The following YTHDF1 variants were observed in gnomAD, a reference collection of about 807,000 sequenced individuals.
YTHDF1 encodes the protein YTH domain-containing family protein 1.
YTHDF1 carries 16 observed loss-of-function variants against 49.1 expected under a neutral mutation model. The observed-to-expected ratio is 0.33, with a 90% confidence interval of 0.22 to 0.49. The LOEUF (loss-of-function observed/expected upper bound fraction) is 0.49, where lower values mean the gene tolerates loss of function less well. Among genes scored for constraint, YTHDF1 ranks in the 20% least tolerant of loss-of-function variants. The pLI, the probability that YTHDF1 is intolerant of heterozygous loss-of-function variation, is 0.99. For synonymous variants in YTHDF1, 313 were observed against 290.1 expected (o/e 1.08, Z -0.80); for missense variants, 621 against 744.3 (o/e 0.83, Z 1.93).
Position 63,199,518 on chromosome 20 carries a change from T to TAA in YTHDF1, c.1653+2767_1653+2768dup, listed in dbSNP as rs11386506. 2.9e-3 allele frequency among the ~76,000 whole-genome samples: 402 copies of TAA among 138,366 alleles called. 2 individuals are homozygous for TAA. The highest frequency in any genetic ancestry group is 9.2e-3 in the Admixed American group (128 of 13,954). 90.8% of individuals were successfully genotyped at this position (138,366 alleles called of 152,430 possible). A position where few individuals can be genotyped will look rare whatever the true frequency, so the allele number is the denominator to read the frequency against. ...TGGGCAACAGTGCAAGATTCTGTCT[T>TAA]AAAAAAAAAAAAAACAAAACAAAAC... On this transcript the variant is annotated intron_variant, in intron 4 of 4. Coordinates refer to ENST00000370339, the MANE Select transcript of YTHDF1 (RefSeq NM_017798.4).
chr20:63,201,118 T>C (rs1024680080), intron 4 of YTHDF1, among the ~76,000 whole-genome samples: 1 of 151,534 alleles, frequency 6.6e-6, no homozygotes, highest in Non-Finnish European at 1.5e-5. Flanking sequence ...ATAAATGACA[T>C]CCACTTCTTT....
At chr20:63,212,326 G>C (rs1389936623) in intron 3 of YTHDF1, among the ~76,000 whole-genome samples, 3 of 152,360 alleles carry the variant, frequency 2.0e-5, no homozygotes, top group East Asian at 3.9e-4. Flanking sequence ...AGTGCAGTAG[G>C]AGGGAGGGGG....
chr20:63,206,926 C>T (rs2066549387), intron 3 of YTHDF1, among the ~76,000 whole-genome samples: 1 of 151,016 alleles, frequency 6.6e-6, no homozygotes, highest in African/African-American at 2.5e-5. Context: ...GGAAGCTGTC[C>T]CATTCACAGT....
At position 63,203,083 on chromosome 20, in the gene YTHDF1, G is replaced by A; in HGVS notation, c.857C>T (p.Pro286Leu). 2 of 1,606,334 alleles carry A rather than the reference G, an allele frequency of 1.2e-6. No homozygotes were observed. The highest frequency in any genetic ancestry group is 8.5e-7 in the Non-Finnish European group (1 of 1,175,402). ...AGCCTGTGGAGAGGGTGCCTGCTGG[G>A]GGACTGGGGCCTTCGGCACAGGCCC... ...NKGPVPKAPV[P>L]QQAPSPQAAP... Residue 286 changes from proline (P) to leucine (L), a missense_variant, in exon 4 of 5, where the codon CCC becomes CTC. Coordinates refer to ENST00000370339, the MANE Select transcript of YTHDF1 (RefSeq NM_017798.4). This position sits in a 1 kb window ranked among gnomAD's most constrained non-coding sequence, Gnocchi z 4.4.
rs751876883 is a variant in YTHDF1 at position 63,202,896 on chromosome 20, G to C, written c.1044C>G (p.Ser348Arg). The change falls in exon 4 of 5, where the codon AGC (serine) becomes AGG (arginine). Residue 348 changes from serine (S) to arginine (R), a missense_variant. Coordinates refer to ENST00000370339, the MANE Select transcript of YTHDF1 (RefSeq NM_017798.4). ...TAGGCTGGACGTTTCCAGGAGAGTT[G>C]CTATCGCTGCCAGCCCCTCCGCTCT... is the stretch of plus-strand genomic sequence containing the variant. ...FGQSGGAGSD[S>R]NSPGNVQPNS... The C allele has an allele frequency of 5.6e-6, 9 of 1,613,962 alleles. No individual in the cohort carries two copies. In the East Asian group the frequency reaches 2.0e-4, roughly 36 times the overall value.
intron 3 of YTHDF1, among the ~76,000 whole-genome samples, chr20:63,210,131 G>A (rs2066567044): frequency 1.3e-5 from 2 of 152,098 alleles, no homozygotes. Context: ...CCTCAACATG[G>A]TAGCTCCAAC....
At chr20:63,211,823 G>A (rs577370478) in intron 3 of YTHDF1, among the ~76,000 whole-genome samples, 1 of 152,168 alleles carries the variant, frequency 6.6e-6, no homozygotes, top group South Asian at 2.1e-4. Flanking sequence ...CAGGTGTAGT[G>A]GTGCATGCCT....
intron 3 of YTHDF1, among the ~76,000 whole-genome samples, chr20:63,205,666 A>G (rs2066542470): frequency 6.6e-6 from 1 of 151,270 alleles, no homozygotes; most frequent in African/African-American, 2.4e-5. Flanking sequence ...CCACCACCAC[A>G]CCCGGTTAAT....
At position 63,196,579 on chromosome 20, in the gene YTHDF1, AACG is replaced by A. The variant is rs1451870055; in HGVS notation, c.*126_*128del. ...ATGCAGATCCATCTGGGCAAAAATC[AACG>A]ACAAGAAAGGCAAAGATGCAACACT... On this transcript the variant is annotated 3_prime_UTR_variant, in exon 5 of 5. Transcript: ENST00000370339. 1.2e-5 allele frequency: 13 copies of A among 1,095,728 alleles called. No individual in the cohort carries two copies. The African/African-American group carries it at 1.3e-4, about 11-fold the overall frequency. The allele number at this position is 1,095,728 out of a possible 1,614,324, so 67.9% of individuals were successfully genotyped here. A position where few individuals can be genotyped will look rare whatever the true frequency, so the allele number is the denominator to read the frequency against.
At chr20:63,212,856 AAACATCC>A (rs2066581956) in intron 3 of YTHDF1, among the ~76,000 whole-genome samples, 1 of 152,198 alleles carries the variant, frequency 6.6e-6, no homozygotes, top group African/African-American at 2.4e-5. Flanking sequence ...GGAGGCTGCT[AAACATCC>A]AACAATGCAC....
intron 2 of YTHDF1, among the ~76,000 whole-genome samples, chr20:63,215,231 C>A (rs1055331896): frequency 3.9e-5 from 6 of 152,310 alleles, no homozygotes; most frequent in African/African-American, 1.4e-4. Flanking sequence ...CCTTGGACTG[C>A]CCCTCTCCTA....
At chr20:63,197,314 GC>G (rs2066496613) in intron 4 of YTHDF1, among the ~76,000 whole-genome samples, 1 of 152,054 alleles carries the variant, frequency 6.6e-6, no homozygotes, top group African/African-American at 2.4e-5. Flanking sequence ...TCACTCCCAC[GC>G]CAAGGGGAAG....
chr20:63,208,504 T>A (rs952262108), intron 3 of YTHDF1, among the ~76,000 whole-genome samples: 4 of 152,228 alleles, frequency 2.6e-5, no homozygotes, highest in African/African-American at 9.6e-5. Flanking sequence ...GACTGGTCCC[T>A]CTGAGGCTGC....
At chr20:63,206,234 A>G (rs1568992790) in intron 3 of YTHDF1, among the ~76,000 whole-genome samples, 2 of 152,150 alleles carry the variant, frequency 1.3e-5, no homozygotes, top group Admixed American at 1.3e-4. Flanking sequence ...GGAAAAAAAG[A>G]CCTCGATGGC....
At chr20:63,197,763 G>C (rs190351109) in intron 4 of YTHDF1, among the ~76,000 whole-genome samples, 1 of 152,184 alleles carries the variant, frequency 6.6e-6, no homozygotes, top group African/African-American at 2.4e-5. Flanking sequence ...AAAACAAAAA[G>C]ATGCATCCCA....
chr20:63,199,580 G>C (rs1276957788), intron 4 of YTHDF1, among the ~76,000 whole-genome samples: 1 of 151,318 alleles, frequency 6.6e-6, no homozygotes, highest in African/African-American at 2.4e-5. Flanking sequence ...GAGGGAGAAA[G>C]CATTAGACAC....
At chr20:63,197,747 AAAAAC>A (rs1279804802) in intron 4 of YTHDF1, among the ~76,000 whole-genome samples, 7 of 152,168 alleles carry the variant, frequency 4.6e-5, no homozygotes, top group African/African-American at 4.8e-5. Flanking sequence ...ATCTCGAAAT[AAAAAC>A]AAAACAAAAA....
chr20:63,215,907 T>C lies in YTHDF1; in HGVS notation c.-15A>G. The C allele has an allele frequency of 1.4e-6, 2 of 1,405,858 alleles. No individual in the cohort carries two copies. The highest frequency in any genetic ancestry group is 1.5e-5 in the South Asian group (1 of 66,932). The allele number at this position is 1,405,858 out of a possible 1,614,324, so 87.1% of individuals were successfully genotyped here. A position where few individuals can be genotyped will look rare whatever the true frequency, so the allele number is the denominator to read the frequency against. On this transcript the variant is annotated 5_prime_UTR_variant, in exon 1 of 5. Transcript: ENST00000370339. Reference sequence around the variant, plus strand: ...GTGGCCGACATGCTTCATGAACAACTAGACGCGGGGCCGGGGCGCCCGCCG... The same window carrying C: ...GTGGCCGACATGCTTCATGAACAACCAGACGCGGGGCCGGGGCGCCCGCCG...
intron 4 of YTHDF1, 126 bp from the exon 5 acceptor site, chr20:63,196,860 C>T (rs1487182775): frequency 2.7e-5 from 27 of 1,014,318 alleles, no homozygotes; most frequent in African/African-American, 1.6e-5. Flanking sequence ...TGAATGGTAC[C>T]CAAGCCACAC....
Sources: gnomAD v4.1 joint callset for allele counts (sites outside exome capture counted in the v4.1 genomes callset) on GRCh38, gnomAD v4.1.1 for gene constraint, Gnocchi (gnomAD v3.1) non-coding constraint, MANE v1.5 for transcripts, NCBI Gene and HGNC (gene_info 2026-07-23, HGNC 2026-07-21) for gene names.